Variants in PIAS2 observed in about 807,000 individuals in gnomAD.
PIAS2 encodes the protein E3 SUMO-protein ligase PIAS2.
PIAS2 carries 19 observed loss-of-function variants against 69.7 expected under a neutral mutation model. The ratio of observed to expected loss-of-function variants is 0.27; its 90% CI spans 0.19 to 0.40. PIAS2 has a LOEUF of 0.40. Ranked by LOEUF, PIAS2 falls within the 10% of genes least tolerant of loss-of-function variation. The pLI is 1.00. For synonymous variants in PIAS2, 261 were observed against 263.2 expected (o/e 0.99, Z 0.08); for missense variants, 624 against 757.0 (o/e 0.82, Z 2.06).
At chr18:46,859,622 C>T (rs1388293204) in intron 3 of PIAS2, among the ~76,000 whole-genome samples, 1 of 152,108 alleles carries the variant, frequency 6.6e-6, no homozygotes, top group Non-Finnish European at 1.5e-5. Context: ...AACTTCGCAT[C>T]TTTGGTGCCT....
chr18:46,857,193 C>T (rs2047968725), intron 3 of PIAS2, among the ~76,000 whole-genome samples: 1 of 152,186 alleles, frequency 6.6e-6, no homozygotes, highest in Non-Finnish European at 1.5e-5. Context: ...CTTGACAATA[C>T]TGACCTCTTC....
intron 1 of PIAS2, among the ~76,000 whole-genome samples, chr18:46,896,601 CA>C (rs2054928129): frequency 6.6e-6 from 1 of 152,174 alleles, no homozygotes; most frequent in Admixed American, 6.5e-5. Flanking sequence ...AAAAAACATG[CA>C]AATTATTGGT....
At chr18:46,857,375 T>C (rs2047996102) in intron 3 of PIAS2, among the ~76,000 whole-genome samples, 1 of 152,192 alleles carries the variant, frequency 6.6e-6, no homozygotes, top group Non-Finnish European at 1.5e-5. Context: ...CAGTACATTA[T>C]AAAAAGTAAG....
chr18:46,862,025 A>G (rs1258604830), intron 3 of PIAS2, among the ~76,000 whole-genome samples: 2 of 152,182 alleles, frequency 1.3e-5, no homozygotes, highest in Admixed American at 6.5e-5. Context: ...CTAAATAAAA[A>G]TTACTACAAA....
intron 2 of PIAS2, among the ~76,000 whole-genome samples, chr18:46,882,842 T>C (rs1233074096): frequency 6.6e-6 from 1 of 152,118 alleles, no homozygotes; most frequent in Non-Finnish European, 1.5e-5. Flanking sequence ...AACAGAATAG[T>C]GCCCCCACTC....
intron 1 of PIAS2, among the ~76,000 whole-genome samples, chr18:46,896,567 T>C (rs542862433): frequency 2.0e-5 from 3 of 152,128 alleles, no homozygotes; most frequent in Non-Finnish European, 4.4e-5. Context: ...TATAGAAAAA[T>C]GCTGAACACA....
intron 9 of PIAS2, 82 bp downstream of exon 9, chr18:46,836,275 G>A: frequency 9.8e-7 from 1 of 1,016,204 alleles, no homozygotes; most frequent in Non-Finnish European, 1.5e-6. Context: ...TTAGAATTTA[G>A]TTCAGTAAGT....
At chr18:46,880,088 G>GT (rs1457352472) in intron 2 of PIAS2, among the ~76,000 whole-genome samples, 1 of 130,842 alleles carries the variant, frequency 7.6e-6, no homozygotes, top group Non-Finnish European at 1.6e-5. Context: ...TTTTACCACA[G>GT]TAAAAAAAAA....
intron 1 of PIAS2, among the ~76,000 whole-genome samples, chr18:46,910,453 T>C (rs938820739): frequency 6.6e-6 from 1 of 151,836 alleles, no homozygotes; most frequent in Admixed American, 6.5e-5. Context: ...ATGGAATACC[T>C]AAATACAAAC....
intron 5 of PIAS2, among the ~76,000 whole-genome samples, chr18:46,854,599 C>G (rs1166944436): frequency 6.6e-6 from 1 of 152,164 alleles, no homozygotes; most frequent in Non-Finnish European, 1.5e-5. Flanking sequence ...ACTTGACTAT[C>G]AGGATTTGAA....
intron 2 of PIAS2, among the ~76,000 whole-genome samples, chr18:46,868,559 C>T (rs1457680054): frequency 6.6e-6 from 1 of 150,560 alleles, no homozygotes; most frequent in African/African-American, 2.5e-5. Context: ...GTAGATTGTG[C>T]CGTCTGACTC....
intron 2 of PIAS2, 31 bp from the exon 3 acceptor site, chr18:46,864,279 T>C: frequency 1.4e-6 from 2 of 1,443,258 alleles, no homozygotes; most frequent in South Asian, 1.3e-5. Flanking sequence ...AAAGATAATA[T>C]TTCAATAACA....
At chr18:46,817,987 G>GATAT in intron 12 of PIAS2, 3 of 986,110 alleles carry the variant, frequency 3.0e-6, no homozygotes, top group Non-Finnish European at 3.6e-6. Flanking sequence ...GTGTCATACT[G>GATAT]ATATATTTTT....
At chr18:46,894,178 T>C (rs891452984) in intron 1 of PIAS2, among the ~76,000 whole-genome samples, 1 of 152,166 alleles carries the variant, frequency 6.6e-6, no homozygotes, top group Non-Finnish European at 1.5e-5. Flanking sequence ...ACTGATAAAA[T>C]AATCTCAAAG....
chr18:46,899,454 G>A (rs771238138), intron 1 of PIAS2, among the ~76,000 whole-genome samples: 4 of 152,202 alleles, frequency 2.6e-5, no homozygotes, highest in Admixed American at 6.5e-5. Context: ...TGCCGAACCA[G>A]AGTAATCTAG....
chr18:46,850,615 C>T (rs2046819914), intron 5 of PIAS2, among the ~76,000 whole-genome samples: 1 of 152,098 alleles, frequency 6.6e-6, no homozygotes, highest in Non-Finnish European at 1.5e-5. Flanking sequence ...TCATATGGTG[C>T]TACATCATAA....
chr18:46,846,481 A>AT (rs2046180266), intron 6 of PIAS2: 5 of 353,970 alleles, frequency 1.4e-5, no homozygotes, highest in Non-Finnish European at 1.5e-5. Context: ...ATAAATATGC[A>AT]TATTTCCTTT....
chr18:46,829,584 A>C, intron 10 of PIAS2, 150 bp downstream of exon 10: 1 of 665,268 alleles, frequency 1.5e-6, no homozygotes, highest in South Asian at 2.4e-5. Context: ...TCCTTCAGGA[A>C]AGAATAAAAA....
At position 46,846,688 on chromosome 18, in the gene PIAS2, CA is replaced by C; in HGVS notation, c.861+18del. The C allele has an allele frequency of 6.2e-7, 1 of 1,600,672 alleles. No individual in the cohort carries two copies. Among genetic ancestry groups the C allele is most frequent in the South Asian group, 1.1e-5 (1 of 88,120 alleles). Reference sequence around the variant, plus strand: ...TCAGTGGGGTCACTGTCCTGCTACCCAAAACGGAGAGCTTTTACCTTCCCAA... The same window carrying C: ...TCAGTGGGGTCACTGTCCTGCTACCCAAACGGAGAGCTTTTACCTTCCCAA... On this transcript the variant is annotated intron_variant, in intron 6 of 13. Coordinates refer to ENST00000585916, the MANE Select transcript of PIAS2 (RefSeq NM_004671.5).
Sources: allele counts gnomAD v4.1 joint callset (sites outside exome capture counted in the v4.1 genomes callset), GRCh38; gene constraint gnomAD v4.1.1; transcripts MANE v1.5; gene names NCBI Gene and HGNC (gene_info 2026-07-23, HGNC 2026-07-21).